PRKG1: variants seen among roughly 807,000 people sequenced by gnomAD.
PRKG1 encodes cGMP-dependent protein kinase 1.
A neutral mutation model predicts 88.1 loss-of-function variants in PRKG1; 35 were observed. The ratio of observed to expected loss-of-function variants is 0.40; its 90% CI spans 0.30 to 0.53. PRKG1 has a LOEUF of 0.53. Among genes scored for constraint, PRKG1 ranks in the 20% least tolerant of loss-of-function variants. The pLI is 0.59. For missense variants in PRKG1, 540 were observed against 839.8 expected (o/e 0.64, Z 4.41); for synonymous variants, 303 against 292.5 (o/e 1.04, Z -0.37).
At chr10:51,487,138 C>G (rs1840569829) in intron 3 of PRKG1, among the ~76,000 whole-genome samples, 1 of 152,058 alleles carries the variant, frequency 6.6e-6, no homozygotes, top group East Asian at 1.9e-4. Flanking sequence ...TACTGCCAAG[C>G]CAGTAACACC....
intron 1 of PRKG1, among the ~76,000 whole-genome samples, chr10:51,028,009 C>T (rs1229199568): frequency 6.6e-6 from 1 of 152,162 alleles, no homozygotes; most frequent in Non-Finnish European, 1.5e-5. Context: ...TAGATAAACA[C>T]ACTGAGGCAG....
chr10:50,996,841 C>T (rs767243705), intron 1 of PRKG1, among the ~76,000 whole-genome samples: 9 of 152,120 alleles, frequency 5.9e-5, no homozygotes, highest in East Asian at 3.8e-4. Flanking sequence ...TTCTGATGAA[C>T]GTGGTGATGT....
At chr10:51,838,026 A>G (rs1422784082) in intron 4 of PRKG1, among the ~76,000 whole-genome samples, 2 of 152,016 alleles carry the variant, frequency 1.3e-5, no homozygotes, top group Non-Finnish European at 2.9e-5. Context: ...TATCTGGGAA[A>G]GTCTAAAGCC....
At chr10:51,092,536 G>T (rs980415439) in intron 1 of PRKG1, among the ~76,000 whole-genome samples, 2 of 152,158 alleles carry the variant, frequency 1.3e-5, no homozygotes, top group Non-Finnish European at 2.9e-5. Context: ...TTGCTAACTG[G>T]CTGGCTGTGT....
intron 8 of PRKG1, among the ~76,000 whole-genome samples, chr10:52,154,822 A>G (rs1462467805): frequency 6.6e-6 from 1 of 151,964 alleles, no homozygotes; most frequent in African/African-American, 2.4e-5. Context: ...TGAGTCCCCA[A>G]AGTGCCTTAT....
At chr10:51,879,168 T>C (rs1181181064) in intron 4 of PRKG1, among the ~76,000 whole-genome samples, 1 of 152,242 alleles carries the variant, frequency 6.6e-6, no homozygotes, top group East Asian at 1.9e-4. Context: ...TTAAGTGGAC[T>C]TCTGTGACAT....
chr10:51,044,486 A>T (rs565628135), intron 1 of PRKG1, among the ~76,000 whole-genome samples: 1 of 152,310 alleles, frequency 6.6e-6, no homozygotes, highest in South Asian at 2.1e-4. Flanking sequence ...TTTGGTCGCT[A>T]TCCCTTTAAA....
At chr10:52,234,366 T>A (rs1840619469) in intron 9 of PRKG1, among the ~76,000 whole-genome samples, 4 of 152,126 alleles carry the variant, frequency 2.6e-5, no homozygotes, top group Admixed American at 6.5e-5. Flanking sequence ...CAAATTACTC[T>A]GAGCTACGGG....
chr10:51,831,376 G>GA (rs111750158), intron 4 of PRKG1, among the ~76,000 whole-genome samples: 29,136 of 148,346 alleles, frequency 0.2, 4,237 homozygotes, highest in African/African-American at 0.42. Flanking sequence ...GCTAACCCCA[G>GA]AAAAAAAAAA....
intron 2 of PRKG1, among the ~76,000 whole-genome samples, chr10:51,183,283 A>G (rs1200556295): frequency 6.6e-6 from 1 of 152,204 alleles, no homozygotes; most frequent in Non-Finnish European, 1.5e-5. Context: ...AACAGCGCAA[A>G]AAGGGATTCA....
chr10:51,587,914 A>G (rs1838212942), intron 3 of PRKG1, among the ~76,000 whole-genome samples: 1 of 152,232 alleles, frequency 6.6e-6, no homozygotes, highest in South Asian at 2.1e-4. Context: ...ATACTTTTCT[A>G]TACCATACAA....
intron 2 of PRKG1, among the ~76,000 whole-genome samples, chr10:51,362,445 A>G (rs981549731): frequency 5.3e-5 from 8 of 151,710 alleles, no homozygotes; most frequent in Middle Eastern, 6.3e-3. Context: ...TATTCATTAA[A>G]TTTTTAGAAA....
intron 5 of PRKG1, among the ~76,000 whole-genome samples, chr10:52,012,978 G>A (rs1844931540): frequency 6.6e-6 from 1 of 152,152 alleles, no homozygotes. Context: ...ATTCTCCAAT[G>A]TCACATTCAG....
At chr10:52,174,217 A>G (rs1838793104) in intron 9 of PRKG1, among the ~76,000 whole-genome samples, 1 of 151,950 alleles carries the variant, frequency 6.6e-6, no homozygotes, top group South Asian at 2.1e-4. Context: ...ATGATGAAGA[A>G]CATGCTTTAG....
Position 51,573,753 on chromosome 10 carries a change from T to C in PRKG1, c.592+105917T>C, listed in dbSNP as rs369467850. ...CAGTGAGCAGAAATACTTTACATGT[T>C]GAACTCGGTAAAAGTCTTTCTGTTT... On this transcript the variant is annotated intron_variant, in intron 3 of 17. Coordinates refer to ENST00000373980, the MANE Select transcript of PRKG1 (RefSeq NM_006258.4). Among the ~76,000 whole-genome samples the C allele has an allele frequency of 2.4e-4, 37 of 151,972 alleles. No homozygotes were observed. The East Asian group carries it at 5.8e-3, about 24-fold the overall frequency.
chr10:52,036,636 G>T (rs1324079515), intron 5 of PRKG1, among the ~76,000 whole-genome samples: 5,031 of 118,726 alleles, frequency 0.042, 180 homozygotes, highest in Admixed American at 0.18. Context: ...ACAAGAGGAG[G>T]ACGCAAAGGA....
At chr10:51,222,724 G>T (rs1353290344) in intron 2 of PRKG1, among the ~76,000 whole-genome samples, 1 of 151,984 alleles carries the variant, frequency 6.6e-6, no homozygotes, top group Admixed American at 6.6e-5. Context: ...TTATATTAGG[G>T]TGGCCACCAT....
At chr10:52,269,924 G>A (rs1298643634) in intron 10 of PRKG1, among the ~76,000 whole-genome samples, 3 of 152,084 alleles carry the variant, frequency 2.0e-5, no homozygotes, top group Non-Finnish European at 4.4e-5. Context: ...GGCTGCAAGA[G>A]AGGCATGGCA....
chr10:51,851,902 C>G (rs1027933803), intron 4 of PRKG1, among the ~76,000 whole-genome samples: 2 of 152,018 alleles, frequency 1.3e-5, no homozygotes, highest in Non-Finnish European at 2.9e-5. Flanking sequence ...ATTCTGCAGG[C>G]TTTTGTGGCC....
Sources: gnomAD v4.1 joint callset for allele counts (sites outside exome capture counted in the v4.1 genomes callset) on GRCh38, gnomAD v4.1.1 for gene constraint, MANE v1.5 for transcripts, NCBI Gene and HGNC (gene_info 2026-07-23, HGNC 2026-07-21) for gene names.